Variants in CTNNA3 observed in about 807,000 individuals in gnomAD.
The protein encoded by CTNNA3 is catenin alpha-3.
A neutral mutation model predicts 95.7 loss-of-function variants in CTNNA3; 76 were observed. The observed-to-expected ratio is 0.79, with a 90% confidence interval of 0.66 to 0.96. CTNNA3 has a LOEUF of 0.96. CTNNA3 is among the 40% of genes least tolerant of loss of function. CTNNA3 has a pLI of 0.00. For synonymous variants in CTNNA3, 431 were observed against 374.4 expected, an observed-to-expected ratio of 1.15 and a Z score of -1.74; for missense variants, 1,191 against 1,089.8, an observed-to-expected ratio of 1.09 and a Z score of -1.31.
intron 7 of CTNNA3, among the ~76,000 whole-genome samples, chr10:66,909,100 AGGAGCCACTT>A (rs1288548222): frequency 1.3e-5 from 2 of 152,308 alleles, no homozygotes; most frequent in East Asian, 3.9e-4. Context: ...CACTTAAGCT[AGGAGCCACTT>A]GCGATAATAC....
intron 15 of CTNNA3, among the ~76,000 whole-genome samples, chr10:66,027,084 T>G (rs555062837): frequency 6.6e-6 from 1 of 152,148 alleles, no homozygotes; most frequent in East Asian, 1.9e-4. Flanking sequence ...TGTGGTTTTA[T>G]TTCATAAGGT....
chr10:66,897,428 A>C (rs974576111), intron 7 of CTNNA3, among the ~76,000 whole-genome samples: 6 of 152,134 alleles, frequency 3.9e-5, no homozygotes, highest in Non-Finnish European at 7.4e-5. Flanking sequence ...TCAAATAATT[A>C]TTAAACAAAA....
intron 12 of CTNNA3, among the ~76,000 whole-genome samples, chr10:66,286,189 G>A (rs747304531): frequency 3.3e-5 from 5 of 151,922 alleles, no homozygotes; most frequent in Non-Finnish European, 4.4e-5. Context: ...ATCCTAAGTG[G>A]TTGGAAAAAT....
chr10:66,427,149 A>G (rs2093249543), intron 11 of CTNNA3, among the ~76,000 whole-genome samples: 1 of 151,964 alleles, frequency 6.6e-6, no homozygotes, highest in African/African-American at 2.4e-5. Flanking sequence ...TTAGTTGCAT[A>G]CAGTGTGCTT....
chr10:66,425,952 G>T (rs988699471), intron 11 of CTNNA3, among the ~76,000 whole-genome samples: 4 of 151,824 alleles, frequency 2.6e-5, no homozygotes, highest in Non-Finnish European at 4.4e-5. Context: ...GCATAAAATT[G>T]TTTTTTGTCA....
intron 10 of CTNNA3, among the ~76,000 whole-genome samples, chr10:66,561,409 CTTAATTAAT>C (rs1264703790): frequency 1.3e-5 from 2 of 152,052 alleles, no homozygotes; most frequent in African/African-American, 4.8e-5. Flanking sequence ...CATATATTGT[CTTAATTAAT>C]GCTCACAGGA....
At chr10:66,527,569 T>C (rs933545424) in intron 10 of CTNNA3, among the ~76,000 whole-genome samples, 1 of 152,158 alleles carries the variant, frequency 6.6e-6, no homozygotes, top group African/African-American at 2.4e-5. Context: ...GTTTTTTATG[T>C]CTTCTTTAAT....
chr10:66,194,725 C>A (rs1013599601), intron 13 of CTNNA3, among the ~76,000 whole-genome samples: 1 of 152,142 alleles, frequency 6.6e-6, no homozygotes, highest in Non-Finnish European at 1.5e-5. Flanking sequence ...ACATTCTATT[C>A]TCTGTCCTCA....
At chr10:66,553,757 G>A (rs1842302743) in intron 10 of CTNNA3, among the ~76,000 whole-genome samples, 1 of 151,478 alleles carries the variant, frequency 6.6e-6, no homozygotes, top group Admixed American at 6.6e-5. Context: ...TCAATCTCCT[G>A]ACCTCGTGAT....
chr10:66,235,898 C>A (rs1212205753), intron 13 of CTNNA3, among the ~76,000 whole-genome samples: 1 of 152,114 alleles, frequency 6.6e-6, no homozygotes, highest in Non-Finnish European at 1.5e-5. Flanking sequence ...GTCCATCTGT[C>A]CTATTTTTTA....
At position 65,973,572 on chromosome 10, in the gene CTNNA3, C is replaced by T. The variant is rs574798651; in HGVS notation, c.2266-6826G>A. 2.0e-5 allele frequency among the ~76,000 whole-genome samples: 3 copies of T among 152,172 alleles called. No individual in the cohort carries two copies. The East Asian group carries it at 5.8e-4, about 29-fold the overall frequency. ...ATTCTTGAATTGCTACAAAAAAATA[C>T]TTCAGACTGGGTAATTTATAAAGAA... On this transcript the variant is annotated intron_variant, in intron 16 of 17. Coordinates refer to ENST00000433211, the MANE Select transcript of CTNNA3 (RefSeq NM_013266.4).
At chr10:67,542,813 G>A (rs1253182616) in intron 3 of CTNNA3, among the ~76,000 whole-genome samples, 1 of 152,006 alleles carries the variant, frequency 6.6e-6, no homozygotes, top group South Asian at 2.1e-4. Flanking sequence ...ATAGAATTTA[G>A]CCAGTTCACT....
At chr10:66,203,627 T>C (rs2087572819) in intron 13 of CTNNA3, among the ~76,000 whole-genome samples, 1 of 152,126 alleles carries the variant, frequency 6.6e-6, no homozygotes, top group Non-Finnish European at 1.5e-5. Context: ...TTGAACATTG[T>C]TTTTATAATT....
At chr10:65,921,214 G>A (rs948938396) in intron 17 of CTNNA3, among the ~76,000 whole-genome samples, 1 of 152,170 alleles carries the variant, frequency 6.6e-6, no homozygotes, top group Non-Finnish European at 1.5e-5. Context: ...CTACAAAAAG[G>A]TGGAGTTTAG....
rs781724510 is a variant in CTNNA3, at chr10:65,913,910, G to C, written c.*6420C>G. The C allele has an allele frequency of 1.3e-5, 2 of 152,148 alleles. No homozygotes were observed. The highest frequency in any genetic ancestry group is 2.9e-5 in the Non-Finnish European group (2 of 68,032). The allele number at this position is 152,148 out of a possible 1,614,324, so 9.4% of individuals were successfully genotyped here. On this transcript the variant is annotated 3_prime_UTR_variant, in exon 18 of 18. Transcript: ENST00000433211. ...CTAAGGTTGGCCTGAGTCTGCAGAA[G>C]CTGGGCTGTCAGAATAGAAAAGCAA...
At chr10:66,149,854 A>C (rs1229973617) in intron 13 of CTNNA3, among the ~76,000 whole-genome samples, 1 of 152,130 alleles carries the variant, frequency 6.6e-6, no homozygotes, top group East Asian at 1.9e-4. Flanking sequence ...TAGCAAAAAA[A>C]ATTAAACCAT....
intron 15 of CTNNA3, among the ~76,000 whole-genome samples, chr10:66,036,584 C>A (rs2079567710): frequency 6.6e-6 from 1 of 152,004 alleles, no homozygotes; most frequent in Non-Finnish European, 1.5e-5. Flanking sequence ...CCGTATTGGC[C>A]AGGCTGGACT....
At chr10:67,038,907 T>C (rs1373985663) in intron 7 of CTNNA3, among the ~76,000 whole-genome samples, 2 of 152,092 alleles carry the variant, frequency 1.3e-5, no homozygotes, top group Admixed American at 1.3e-4. Flanking sequence ...ACAAATTAAC[T>C]ATAAAATCCA....
intron 13 of CTNNA3, among the ~76,000 whole-genome samples, chr10:66,152,105 C>A (rs1404274273): frequency 2.0e-5 from 3 of 151,872 alleles, no homozygotes; most frequent in African/African-American, 7.2e-5. Context: ...GACACAGAAT[C>A]ATTTCATTCC....
Sources: gnomAD v4.1 joint callset for allele counts (sites outside exome capture counted in the v4.1 genomes callset) on GRCh38, gnomAD v4.1.1 for gene constraint, MANE v1.5 for transcripts, NCBI Gene and HGNC (gene_info 2026-07-23, HGNC 2026-07-21) for gene names.